Variants in XKR6 observed in about 807,000 individuals in gnomAD.
XKR6 encodes the protein XK related 6.
XKR6 carries 22 observed loss-of-function variants against 56.7 expected under a neutral mutation model. The ratio of observed to expected loss-of-function variants is 0.39; its 90% CI spans 0.28 to 0.55. XKR6 has a LOEUF of 0.55. XKR6 is among the 20% of genes least tolerant of loss of function. The pLI, the probability that XKR6 is intolerant of heterozygous loss-of-function variation, is 0.66. For synonymous variants in XKR6, 524 were observed against 387.8 expected, an observed-to-expected ratio of 1.35 and a Z score of -4.13; for missense variants, 852 against 889.0, an observed-to-expected ratio of 0.96 and a Z score of 0.53.
intron 1 of XKR6, among the ~76,000 whole-genome samples, chr8:10,929,016 G>C (rs1800982490): frequency 6.6e-6 from 1 of 152,206 alleles, no homozygotes; most frequent in African/African-American, 2.4e-5. Flanking sequence ...CTGGTCTATG[G>C]TCTGCGGGAA....
At chr8:11,166,535 A>C (rs977261246) in intron 1 of XKR6, among the ~76,000 whole-genome samples, 1 of 152,118 alleles carries the variant, frequency 6.6e-6, no homozygotes, top group Admixed American at 6.5e-5. Flanking sequence ...TCTAATATTT[A>C]GTGCATTTAA....
intron 1 of XKR6, among the ~76,000 whole-genome samples, chr8:11,026,455 A>T (rs970825987): frequency 2.0e-5 from 3 of 151,398 alleles, no homozygotes; most frequent in Admixed American, 6.6e-5. Flanking sequence ...AGTCTAGCCT[A>T]CTACACACCT....
Position 11,007,490 on chromosome 8 carries a change from A to G in XKR6, c.765-82660T>C, listed in dbSNP as rs1291132937. Reference sequence around the variant, plus strand: ...ACAGACCTCCACTGCGGCCTCTCGCATGGACGAAGAAACACAGCCAGTAAT... The same window carrying G: ...ACAGACCTCCACTGCGGCCTCTCGCGTGGACGAAGAAACACAGCCAGTAAT... On this transcript the variant is annotated intron_variant, in intron 1 of 2. Transcript: ENST00000416569. 2.0e-5 allele frequency among the ~76,000 whole-genome samples: 3 copies of G among 152,302 alleles called. No individual in the cohort carries two copies. The East Asian group carries it at 5.8e-4, about 29-fold the overall frequency.
Position 10,911,559 on chromosome 8 carries a change from T to A in XKR6, c.962-12643A>T, listed in dbSNP as rs568180933. 4.3e-4 allele frequency among the ~76,000 whole-genome samples: 62 copies of A among 143,634 alleles called. 2 individuals carry two copies. The highest frequency in any genetic ancestry group is 1.1e-4 in the Non-Finnish European group (7 of 66,164). The allele number at this position is 143,634 out of a possible 152,430, so 94.2% of individuals were successfully genotyped here. ...GGTGAATATATATATATAGAGAGAA[T>A]ATCTATATATATATAGAGAGAGAGA... On this transcript the variant is annotated intron_variant, in intron 2 of 2. Coordinates refer to ENST00000416569, the MANE Select transcript of XKR6 (RefSeq NM_173683.4).
chr8:11,110,679 G>A (rs10107951), intron 1 of XKR6, among the ~76,000 whole-genome samples: 8,153 of 152,084 alleles, frequency 0.054, 733 homozygotes, highest in African/African-American at 0.19. Flanking sequence ...TTAATCCCAG[G>A]AACAGGTAAG....
intron 1 of XKR6, among the ~76,000 whole-genome samples, chr8:11,110,791 G>A (rs940888051): frequency 6.6e-6 from 1 of 151,718 alleles, no homozygotes; most frequent in Admixed American, 6.6e-5. Context: ...TCTGAAAGTA[G>A]CCCACAGTTT....
intron 1 of XKR6, among the ~76,000 whole-genome samples, chr8:11,165,171 C>A (rs1391060940): frequency 3.0e-5 from 4 of 133,030 alleles, no homozygotes; most frequent in African/African-American, 1.2e-4. Context: ...ACGATCTTGG[C>A]TCACTGCAAC....
At position 11,099,652 on chromosome 8, in the gene XKR6, C is replaced by G. The variant is rs527778080; in HGVS notation, c.764+100924G>C. On this transcript the variant is annotated intron_variant, in intron 1 of 2. Coordinates refer to ENST00000416569, the MANE Select transcript of XKR6 (RefSeq NM_173683.4). The stretch of plus-strand genomic sequence containing the variant: ...GGGCAATGAAGGATTTACTCATTCA[C>G]TCGCTCAAATATTATATAGGTATTG... 1.2e-4 allele frequency among the ~76,000 whole-genome samples: 18 copies of G among 152,230 alleles called. 1 individual carries two copies. The highest frequency in any genetic ancestry group is 2.5e-4 in the Non-Finnish European group (17 of 68,052).
At chr8:11,142,127 A>G (rs1232154300) in intron 1 of XKR6, among the ~76,000 whole-genome samples, 1 of 152,160 alleles carries the variant, frequency 6.6e-6, no homozygotes, top group Non-Finnish European at 1.5e-5. Flanking sequence ...ATACACACAC[A>G]TACATTTCAG....
chr8:11,033,812 G>T (rs1563358345), intron 1 of XKR6, among the ~76,000 whole-genome samples: 2 of 152,154 alleles, frequency 1.3e-5, no homozygotes, highest in African/African-American at 4.8e-5. Context: ...ACTCCTAGGG[G>T]TCCAGAAATA....
At chr8:11,143,799 C>T (rs202060604) in intron 1 of XKR6, among the ~76,000 whole-genome samples, 2 of 152,182 alleles carry the variant, frequency 1.3e-5, no homozygotes, top group East Asian at 1.9e-4. Context: ...CTTCATTCGA[C>T]TCTGAGGGCT....
chr8:10,998,055 G>A (rs180790036), intron 1 of XKR6, among the ~76,000 whole-genome samples: 196 of 152,190 alleles, frequency 1.3e-3, no homozygotes, highest in Non-Finnish European at 2.0e-3. Context: ...ACACCTATGC[G>A]TGCAGCAGGA....
chr8:10,935,536 T>C (rs1292233030), intron 1 of XKR6, among the ~76,000 whole-genome samples: 2 of 143,330 alleles, frequency 1.4e-5, no homozygotes, highest in African/African-American at 2.7e-5. Flanking sequence ...TGTGGGCATT[T>C]AGTGCTATAA....
chr8:11,061,223 G>T (rs1381623493), intron 1 of XKR6, among the ~76,000 whole-genome samples: 1 of 152,194 alleles, frequency 6.6e-6, no homozygotes, highest in African/African-American at 2.4e-5. Flanking sequence ...TGGCACTTTG[G>T]GAGGCCCAGG....
intron 1 of XKR6, among the ~76,000 whole-genome samples, chr8:10,991,007 G>A (rs970275953): frequency 6.9e-6 from 1 of 144,148 alleles, no homozygotes; most frequent in Non-Finnish European, 1.5e-5. Flanking sequence ...GAGTTCAAGC[G>A]ATTCTCCTGC....
chr8:11,105,750 T>C (rs1798652230), intron 1 of XKR6: 1 of 152,230 alleles, frequency 6.6e-6, no homozygotes, highest in Non-Finnish European at 1.5e-5. Context: ...TGATATTCAT[T>C]TCCAGCCACC....
chr8:11,102,568 T>C (rs1354600891), intron 1 of XKR6, among the ~76,000 whole-genome samples: 3 of 152,074 alleles, frequency 2.0e-5, no homozygotes, highest in African/African-American at 7.2e-5. Context: ...ATGTGATCTT[T>C]TCAATAATTC....
chr8:11,025,387 G>A (rs1240113667), intron 1 of XKR6, among the ~76,000 whole-genome samples: 1 of 152,180 alleles, frequency 6.6e-6, no homozygotes, highest in Non-Finnish European at 1.5e-5. Flanking sequence ...GGTTAATGGA[G>A]TCTATTCAAA....
chr8:11,014,062 A>G (rs150887521), intron 1 of XKR6, among the ~76,000 whole-genome samples: 7 of 152,370 alleles, frequency 4.6e-5, no homozygotes, highest in African/African-American at 1.7e-4. Context: ...CTCTAGATCC[A>G]TCATAATCTG....
Sources: allele counts gnomAD v4.1 joint callset (sites outside exome capture counted in the v4.1 genomes callset), GRCh38; gene constraint gnomAD v4.1.1; transcripts MANE v1.5; gene names NCBI Gene and HGNC (gene_info 2026-07-23, HGNC 2026-07-21).